The following IQCJ variants were observed in gnomAD, a reference collection of about 807,000 sequenced individuals.
IQCJ encodes IQ domain-containing protein J.
Under a neutral mutation model 11.0 loss-of-function variants are expected in IQCJ, and 9 were observed. That is an observed-to-expected ratio of 0.82 (90% CI 0.49 to 1.43). The LOEUF is 1.43. Among genes scored for constraint, IQCJ ranks in the 40% most tolerant of loss-of-function variants. The probability of loss-of-function intolerance (pLI) is 0.00; values close to 1 mark genes in which losing one functional copy is unlikely to be tolerated. For synonymous variants in IQCJ, 55 were observed against 51.3 expected, an observed-to-expected ratio of 1.07 and a Z score of -0.31; for missense variants, 146 against 133.2, an observed-to-expected ratio of 1.10 and a Z score of -0.47.
chr3:159,251,591 G>T (rs1727603019), intron 2 of IQCJ, among the ~76,000 whole-genome samples: 1 of 150,298 alleles, frequency 6.7e-6, no homozygotes, highest in Admixed American at 6.7e-5. Context: ...CATGTAGTTG[G>T]GGGAGTAATG....
At chr3:159,205,093 A>G (rs1724573432) in intron 1 of IQCJ, among the ~76,000 whole-genome samples, 1 of 152,212 alleles carries the variant, frequency 6.6e-6, no homozygotes, top group Admixed American at 6.5e-5. Context: ...GGCCAATTGC[A>G]AAGACAGAAG....
intron 1 of IQCJ, among the ~76,000 whole-genome samples, chr3:159,111,632 A>G (rs1718637674): frequency 6.6e-6 from 1 of 152,176 alleles, no homozygotes; most frequent in Non-Finnish European, 1.5e-5. Flanking sequence ...GAGAAAGACC[A>G]GGAGGGGCCA....
intron 1 of IQCJ, among the ~76,000 whole-genome samples, chr3:159,079,526 G>GA (rs199786801): frequency 0.012 from 1,854 of 151,842 alleles, 29 homozygotes; most frequent in African/African-American, 0.042. Flanking sequence ...TATACTTACT[G>GA]AAAAAAATAT....
rs1720537677 is a variant in IQCJ, at chr3:159,140,451, G to C, written c.9+71010G>C. ...TCAGGTCTGTGGGTCACACTGGTCTGGTTGCAAGCCTCTAGTATCTTCCAG... is the reference window on the plus strand; with the variant it reads ...TCAGGTCTGTGGGTCACACTGGTCTCGTTGCAAGCCTCTAGTATCTTCCAG... On this transcript the variant is annotated intron_variant, in intron 1 of 3. Transcript: ENST00000397832. 1.3e-5 allele frequency among the ~76,000 whole-genome samples: 2 copies of C among 152,164 alleles called. 1 individual carries two copies. Among genetic ancestry groups the C allele is most frequent in the South Asian group, 4.1e-4 (2 of 4,828 alleles).
intron 1 of IQCJ, among the ~76,000 whole-genome samples, chr3:159,211,743 G>A (rs963424735): frequency 6.6e-6 from 1 of 152,136 alleles, no homozygotes; most frequent in African/African-American, 2.4e-5. Context: ...TAGAAGAAAA[G>A]CACTGGTGTG....
intron 1 of IQCJ, among the ~76,000 whole-genome samples, chr3:159,070,323 A>C (rs1423655587): frequency 6.6e-6 from 1 of 152,144 alleles, no homozygotes; most frequent in East Asian, 1.9e-4. Flanking sequence ...TATATTCAGC[A>C]TCCCTTGTCT....
At chr3:159,143,739 T>C (rs1024642978) in intron 1 of IQCJ, among the ~76,000 whole-genome samples, 1 of 152,244 alleles carries the variant, frequency 6.6e-6, no homozygotes, top group Non-Finnish European at 1.5e-5. Context: ...CTTTCTGTGC[T>C]TCACAAGAAT....
chr3:159,251,444 A>G (rs146144033), intron 2 of IQCJ, among the ~76,000 whole-genome samples: 1 of 151,920 alleles, frequency 6.6e-6, no homozygotes, highest in African/African-American at 2.4e-5. Flanking sequence ...CTGCTGCAAT[A>G]GATTATGATC....
intron 1 of IQCJ, among the ~76,000 whole-genome samples, chr3:159,155,329 TG>T (rs1297913473): frequency 6.6e-6 from 1 of 152,022 alleles, no homozygotes; most frequent in Non-Finnish European, 1.5e-5. Flanking sequence ...GACTAACTGT[TG>T]TATTTTTGGT....
rs189454100 is a variant in IQCJ, at chr3:159,210,094, C to T, written c.10-35749C>T. On this transcript the variant is annotated intron_variant, in intron 1 of 3. Transcript: ENST00000397832. ...ACAGTTGGGTGGCCTGGAGGGCCTG[C>T]CATGATCTGAAGGAAGCAGAGCCCA... is the stretch of plus-strand genomic sequence containing the variant. Among the ~76,000 whole-genome samples the T allele has an allele frequency of 1.2e-4, 18 of 152,212 alleles. No homozygotes were observed. The East Asian group carries it at 3.5e-3, about 29-fold the overall frequency.
chr3:159,107,907 C>G (rs1718366096), intron 1 of IQCJ, among the ~76,000 whole-genome samples: 5 of 151,254 alleles, frequency 3.3e-5, no homozygotes, highest in Non-Finnish European at 1.5e-5. Context: ...CAGGCAGCTT[C>G]TCCCCTGAAG....
At chr3:159,070,066 C>T (rs1715459308) in intron 1 of IQCJ, 2 of 180,304 alleles carry the variant, frequency 1.1e-5, no homozygotes, top group Admixed American at 1.1e-4. Flanking sequence ...CAGTGTTCAG[C>T]AGGAATTTTA....
At chr3:159,213,448 G>A (rs1725059389) in intron 1 of IQCJ, among the ~76,000 whole-genome samples, 2 of 152,118 alleles carry the variant, frequency 1.3e-5, no homozygotes, top group Admixed American at 1.3e-4. Flanking sequence ...TGGATCTCAA[G>A]GCGCATTTTA....
chr3:159,162,124 TA>T (rs1424970336), intron 1 of IQCJ, among the ~76,000 whole-genome samples: 1 of 152,192 alleles, frequency 6.6e-6, no homozygotes, highest in Non-Finnish European at 1.5e-5. Context: ...CCTTGGGCAG[TA>T]TGGCCATTTT....
chr3:159,090,719 G>A (rs1428859188), intron 1 of IQCJ, among the ~76,000 whole-genome samples: 2 of 151,864 alleles, frequency 1.3e-5, no homozygotes, highest in African/African-American at 2.4e-5. Flanking sequence ...TTTCCACAGG[G>A]TCTGGGACAG....
At chr3:159,122,049 C>A (rs1719409942) in intron 1 of IQCJ, among the ~76,000 whole-genome samples, 2 of 152,148 alleles carry the variant, frequency 1.3e-5, no homozygotes, top group African/African-American at 4.8e-5. Flanking sequence ...GATCAGGGTG[C>A]CAGCATGGTT....
intron 1 of IQCJ, among the ~76,000 whole-genome samples, chr3:159,088,177 C>T (rs1198344307): frequency 6.6e-6 from 1 of 152,096 alleles, no homozygotes; most frequent in African/African-American, 2.4e-5. Flanking sequence ...TCCTTATGTA[C>T]CCAGTAATCA....
At chr3:159,212,973 T>A (rs1341422762) in intron 1 of IQCJ, among the ~76,000 whole-genome samples, 1 of 152,194 alleles carries the variant, frequency 6.6e-6, no homozygotes, top group African/African-American at 2.4e-5. Context: ...TTTCTTTTTT[T>A]CTTTTTGTTG....
chr3:159,256,373 GAC>G (rs1035792884), intron 3 of IQCJ, among the ~76,000 whole-genome samples: 272 of 152,272 alleles, frequency 1.8e-3, no homozygotes, highest in African/African-American at 6.4e-3. Context: ...GAGAGAGAAA[GAC>G]AGAGAGACAG....
Sources: allele counts gnomAD v4.1 joint callset (sites outside exome capture counted in the v4.1 genomes callset), GRCh38; gene constraint gnomAD v4.1.1; transcripts MANE v1.5; gene names NCBI Gene and HGNC (gene_info 2026-07-23, HGNC 2026-07-21).